The following KAT6A variants were observed in gnomAD, a reference collection of about 807,000 sequenced individuals.
The protein encoded by KAT6A is lysine acetyltransferase 6A, also known as histone acetyltransferase KAT6A.
KAT6A carries 9 observed loss-of-function variants against 198.4 expected under a neutral mutation model. That is an observed-to-expected ratio of 0.05 (90% confidence interval 0.03 to 0.08). KAT6A has a LOEUF of 0.08. Among genes scored for constraint, KAT6A ranks in the 10% least tolerant of loss-of-function variants. The probability of loss-of-function intolerance (pLI) is 1.00; values close to 1 mark genes in which losing one functional copy is unlikely to be tolerated. For synonymous variants in KAT6A, 890 were observed against 883.0 expected (o/e 1.01, Z -0.14); for missense variants, 2,077 against 2,509.9 (o/e 0.83, Z 3.69).
intron 11 of KAT6A, among the ~76,000 whole-genome samples, 181 bp from the exon 12 acceptor site, chr8:41,946,865 TACCCACAAAGCA>T (rs1454960252): frequency 6.6e-6 from 1 of 152,076 alleles, no homozygotes; most frequent in Non-Finnish European, 1.5e-5. Context: ...TCACTGCCAT[TACCCACAAAGCA>T]ACCATCCCAG....
At position 42,030,684 on chromosome 8, in the gene KAT6A, C is replaced by A. The variant is rs571085482; in HGVS notation, c.600+17694G>T. Among the ~76,000 whole-genome samples the A allele has an allele frequency of 8.3e-4, 126 of 152,064 alleles. 5 individuals are homozygous for A. The South Asian group carries it at 0.025, about 30-fold the overall frequency. On this transcript the variant is annotated intron_variant, in intron 2 of 16. Transcript: ENST00000265713. ...GGTTCCAGTGATACTCGTGCCTCAGCTTCTCAAGGAGCTGGGATTACAGAA... is the reference window on the plus strand; with the variant it reads ...GGTTCCAGTGATACTCGTGCCTCAGATTCTCAAGGAGCTGGGATTACAGAA...
chr8:41,960,954 G>A (rs1283813959), intron 8 of KAT6A, among the ~76,000 whole-genome samples: 2 of 151,872 alleles, frequency 1.3e-5, no homozygotes, highest in African/African-American at 2.4e-5. Context: ...TCACATAATC[G>A]AAGTTATTAC....
At chr8:41,946,826 C>A in intron 11 of KAT6A, 142 bp from the exon 12 acceptor site, 1 of 612,634 alleles carries the variant, frequency 1.6e-6, no homozygotes, top group South Asian at 1.9e-5. Flanking sequence ...AACAACTACC[C>A]AGCTGGGAGA....
rs1824318112 is a variant in KAT6A at position 41,980,862 on chromosome 8, G to A, written c.891C>T (p.Leu297=). The change falls in exon 5 of 17, where the codon CTC becomes CTT. Residue 297 remains leucine, a synonymous_variant. Coordinates refer to ENST00000265713, the MANE Select transcript of KAT6A (RefSeq NM_006766.5). The part of the protein sequence containing the change: ...GFHMECCDPP[L]TRMPKGMWIC... Reference sequence around the variant, plus strand: ...ATTTCTCACCTTTTGGCATACGGGTGAGTGGCGGATCACAACACTCCATGT... The same window carrying A: ...ATTTCTCACCTTTTGGCATACGGGTAAGTGGCGGATCACAACACTCCATGT... 3 of 1,612,080 alleles carry A rather than the reference G, an allele frequency of 1.9e-6. No homozygotes were observed. The highest frequency in any genetic ancestry group is 1.3e-5 in the African/African-American group (1 of 74,898).
chr8:42,013,628 T>C (rs1370807477), intron 2 of KAT6A, among the ~76,000 whole-genome samples: 3 of 152,260 alleles, frequency 2.0e-5, no homozygotes, highest in Non-Finnish European at 4.4e-5. Context: ...ATGGGGTTCC[T>C]TGCTCCTATC....
rs769195318 is a variant in KAT6A, at chr8:41,955,416, G to A, written c.1483-5C>T. On this transcript the variant is annotated splice_polypyrimidine_tract_variant and splice_region_variant and intron_variant, in intron 8 of 16. Transcript: ENST00000265713. ...GGGACCAGTCACTCCAACTTTCTGT[G>A]CAGTCAAGAAATACATTCAAAAGTT... 6.4e-7 allele frequency: 1 copy of A among 1,574,224 alleles called. No individual in the cohort carries two copies. Among genetic ancestry groups the A allele is most frequent in the Admixed American group, 1.7e-5 (1 of 59,028 alleles).
At chr8:42,006,995 C>CAG (rs745701890) in intron 2 of KAT6A, among the ~76,000 whole-genome samples, 2 of 88,224 alleles carry the variant, frequency 2.3e-5, no homozygotes, top group African/African-American at 8.7e-5. Context: ...GACTCCATCT[C>CAG]AAAAAAAAAA....
intron 2 of KAT6A, among the ~76,000 whole-genome samples, chr8:42,034,198 G>A (rs949729583): frequency 1.3e-5 from 2 of 152,212 alleles, no homozygotes; most frequent in Non-Finnish European, 2.9e-5. Flanking sequence ...GGAGACTGAT[G>A]CAGTACAATG....
At chr8:41,982,948 T>C (rs1036311345) in intron 3 of KAT6A, among the ~76,000 whole-genome samples, 1 of 152,190 alleles carries the variant, frequency 6.6e-6, no homozygotes, top group Non-Finnish European at 1.5e-5. Flanking sequence ...ACTGGGGGTC[T>C]TGAAACCTCC....
At chr8:41,986,588 T>TA (rs964178685) in intron 3 of KAT6A, among the ~76,000 whole-genome samples, 5 of 149,970 alleles carry the variant, frequency 3.3e-5, no homozygotes, top group Admixed American at 6.6e-5. Context: ...TTTATATATA[T>TA]AAAAAAAAAC....
At chr8:41,991,381 A>C (rs1587794273) in intron 2 of KAT6A, among the ~76,000 whole-genome samples, 1 of 152,246 alleles carries the variant, frequency 6.6e-6, no homozygotes, top group East Asian at 1.9e-4. Context: ...AGAAAAAAGA[A>C]TACATCCTGT....
chr8:41,977,117 G>A lies in KAT6A; in HGVS notation c.1254C>T (p.Thr418=). The change falls in exon 7 of 17, where the codon ACC becomes ACT. Residue 418 remains threonine, a synonymous_variant. Transcript: ENST00000265713. ...GLIDGLTKFF[T]PSPDGRKARG... ...GAGCTTTCCGCCCATCAGGGGAAGG[G>A]GTAAAAAATTTGGTAAGGCCATCAA... is the stretch of plus-strand genomic sequence containing the variant. 2 of 1,614,122 alleles carry A rather than the reference G, an allele frequency of 1.2e-6. No homozygotes were observed.
At chr8:41,975,531 C>T (rs1251638982) in intron 7 of KAT6A, among the ~76,000 whole-genome samples, 1 of 152,082 alleles carries the variant, frequency 6.6e-6, no homozygotes, top group Non-Finnish European at 1.5e-5. Context: ...CTCAAGTCAA[C>T]TGCACATATG....
At chr8:42,018,379 C>G (rs1826368450) in intron 2 of KAT6A, among the ~76,000 whole-genome samples, 1 of 152,020 alleles carries the variant, frequency 6.6e-6, no homozygotes, top group South Asian at 2.1e-4. Flanking sequence ...GGTGTGGTGG[C>G]ACATGCCTGT....
intron 2 of KAT6A, among the ~76,000 whole-genome samples, chr8:42,047,282 A>G (rs1802360904): frequency 6.6e-6 from 1 of 152,214 alleles, no homozygotes; most frequent in Admixed American, 6.5e-5. Context: ...AATTCTCCTA[A>G]TCTCCAAATA....
chr8:41,944,723 C>A (rs907122472), intron 12 of KAT6A, among the ~76,000 whole-genome samples: 28 of 152,306 alleles, frequency 1.8e-4, no homozygotes, highest in African/African-American at 6.3e-4. Flanking sequence ...GTATACCATA[C>A]ACACACACCC....
intron 9 of KAT6A, 82 bp downstream of exon 9, chr8:41,955,214 A>C (rs1476458528): frequency 2.4e-6 from 2 of 849,992 alleles, no homozygotes; most frequent in African/African-American, 3.3e-5. Context: ...GATAAGGTGG[A>C]CTCAAACATC....
At chr8:41,990,839 C>A (rs1472461950) in intron 2 of KAT6A, among the ~76,000 whole-genome samples, 1 of 151,598 alleles carries the variant, frequency 6.6e-6, no homozygotes, top group African/African-American at 2.4e-5. Context: ...TAAAAACACA[C>A]AAAAAATTAG....
At chr8:42,026,955 G>T (rs1271299463) in intron 2 of KAT6A, among the ~76,000 whole-genome samples, 1 of 152,102 alleles carries the variant, frequency 6.6e-6, no homozygotes, top group Non-Finnish European at 1.5e-5. Flanking sequence ...TGCCTAATTT[G>T]TTGAGAGGTT....
Sources: gnomAD v4.1 joint callset for allele counts (sites outside exome capture counted in the v4.1 genomes callset) on GRCh38, gnomAD v4.1.1 for gene constraint, MANE v1.5 for transcripts, NCBI Gene and HGNC (gene_info 2026-07-23, HGNC 2026-07-21) for gene names.